TCF7: variants seen among roughly 807,000 people sequenced by gnomAD.
TCF7 encodes T-cell-factor-7.
In TCF7, 19 loss-of-function variants were observed where a neutral mutation model predicts 46.8. The observed-to-expected ratio is 0.41, with a 90% CI of 0.28 to 0.60. The LOEUF is 0.60. TCF7 is among the 20% of genes least tolerant of loss of function. The probability of loss-of-function intolerance (pLI) is 0.35; values close to 1 mark genes in which losing one functional copy is unlikely to be tolerated. For synonymous variants in TCF7, 245 were observed against 213.4 expected (o/e 1.15, Z -1.29); for missense variants, 547 against 504.6 (o/e 1.08, Z -0.81).
chr5:134,139,081 A>G, intron 5 of TCF7, 43 bp downstream of exon 5: 1 of 1,604,936 alleles, frequency 6.2e-7, no homozygotes, highest in Non-Finnish European at 8.5e-7. Context: ...TGTGCTGGTC[A>G]GACCAAGACC....
At chr5:134,144,840 C>A (rs776768554) in intron 9 of TCF7, 1 of 1,614,208 alleles carries the variant, frequency 6.2e-7, no homozygotes, top group Non-Finnish European at 8.5e-7. Context: ...TTGGCCTCAA[C>A]CAGCAGACGG....
At chr5:134,145,122 G>C in intron 9 of TCF7, 1 of 644,942 alleles carries the variant, frequency 1.6e-6, no homozygotes, top group Admixed American at 2.0e-5. Flanking sequence ...ACAGACTCAA[G>C]AAGGCAGCTC....
chr5:134,114,818 C>T lies in TCF7; in HGVS notation c.-89C>T. 1 of 977,568 alleles carries T rather than the reference C, an allele frequency of 1.0e-6. No individual in the cohort carries two copies. The highest frequency in any genetic ancestry group is 1.2e-6 in the Non-Finnish European group (1 of 825,036). 60.6% of individuals were successfully genotyped at this position (977,568 alleles called of 1,614,324 possible). ...CCGCCGCGATCCGAGCTCGGAGGTT[C>T]GGACTCCGGGCTCGCCGCCCCCCGG... is the stretch of plus-strand genomic sequence containing the variant. On this transcript the variant is annotated 5_prime_UTR_variant, in exon 1 of 10. Transcript: ENST00000342854.
chr5:134,115,704 G>C, intron 2 of TCF7: 1 of 1,431,436 alleles, frequency 7.0e-7, no homozygotes, highest in South Asian at 1.5e-5. Flanking sequence ...GGGGGTGGGA[G>C]GTCAAGTAGG....
In TCF7 at chr5:134,114,794, C is replaced by T. The variant is rs1210475918; in HGVS notation, c.-113C>T. On this transcript the variant is annotated 5_prime_UTR_variant, in exon 1 of 10. Transcript: ENST00000342854. ...AGGCGGAGTCAGCCCGCGCTCCGCC[C>T]GCCGCGATCCGAGCTCGGAGGTTCG... The T allele has an allele frequency of 1.5e-5, 14 of 952,576 alleles. No individual in the cohort carries two copies. The African/African-American group carries it at 1.8e-4, about 12-fold the overall frequency. The allele number at this position is 952,576 out of a possible 1,614,324, so 59.0% of individuals were successfully genotyped here.
chr5:134,115,281 G>T (rs746084290), intron 1 of TCF7, 40 bp from the exon 2 acceptor site: 19 of 1,500,618 alleles, frequency 1.3e-5, no homozygotes, highest in Admixed American at 6.1e-5. Flanking sequence ...CGACCCCCGC[G>T]GTCCCACCGC....
At chr5:134,115,881 G>A (rs890223716) in intron 2 of TCF7, 28 bp from the exon 3 acceptor site, 3 of 1,613,538 alleles carry the variant, frequency 1.9e-6, no homozygotes, top group Admixed American at 1.7e-5. Context: ...CAGGGCTGGT[G>A]TGTCTGACCC....
chr5:134,142,156 C>T (rs1759895426), intron 5 of TCF7, 29 bp from the exon 6 acceptor site: 1 of 1,613,718 alleles, frequency 6.2e-7, no homozygotes, highest in Non-Finnish European at 8.5e-7. Context: ...TAATTCTTGG[C>T]TCAGTGTTAA....
chr5:134,143,159 C>A, intron 8 of TCF7, 59 bp downstream of exon 8: 2 of 1,504,762 alleles, frequency 1.3e-6, no homozygotes, highest in Non-Finnish European at 9.0e-7. Flanking sequence ...ATACCATGCC[C>A]CAGGCCACAA....
intron 3 of TCF7, among the ~76,000 whole-genome samples, chr5:134,137,425 C>CAAAAAA (rs752883165): frequency 1.8e-5 from 1 of 56,564 alleles, no homozygotes; most frequent in African/African-American, 5.6e-5. Context: ...GACTCTGTCT[C>CAAAAAA]AAAAAAAAAA....
chr5:134,125,941 C>G (rs756968857), intron 3 of TCF7, among the ~76,000 whole-genome samples: 26 of 152,264 alleles, frequency 1.7e-4, no homozygotes, highest in Admixed American at 1.7e-3. Flanking sequence ...CTGCAAACCA[C>G]TCTTTTCCCT....
chr5:134,144,951 C>T (rs1241851174), intron 9 of TCF7: 3 of 1,285,116 alleles, frequency 2.3e-6, no homozygotes, highest in Non-Finnish European at 3.4e-6. Flanking sequence ...GCCTGCAGCC[C>T]ACTCCTTTGG....
rs965810224 is a variant in TCF7 at position 134,141,203 on chromosome 5, G to A, written c.636-982G>A. 1.9e-5 allele frequency: 3 copies of A among 161,178 alleles called. No individual in the cohort carries two copies. In the Admixed American group the frequency reaches 1.9e-4, roughly 10 times the overall value. 10.0% of individuals were successfully genotyped at this position (161,178 alleles called of 1,614,324 possible). A position where few individuals can be genotyped will look rare whatever the true frequency, so the allele number is the denominator to read the frequency against. ...CATCCCTACTTAGAAGGACTCTCCT[G>A]GGCATCCCCTGAGCTTTGCCCAAGC... On this transcript the variant is annotated intron_variant, in intron 5 of 9. Coordinates refer to ENST00000342854, the MANE Select transcript of TCF7 (RefSeq NM_003202.5).
At position 134,136,661 on chromosome 5, in the gene TCF7, A is replaced by AG. The variant is rs561509634; in HGVS notation, c.442-1395dup. Reference sequence around the variant, plus strand: ...CTGGGCTTCCAATAACCAAGTGCCGAGGGACTGTGCCAGGCCTCCTCACCA... The same window carrying AG: ...CTGGGCTTCCAATAACCAAGTGCCGAGGGGACTGTGCCAGGCCTCCTCACCA... On this transcript the variant is annotated intron_variant, in intron 3 of 9. Transcript: ENST00000342854. Among the ~76,000 whole-genome samples, 3 of 152,250 alleles carry AG rather than the reference A, an allele frequency of 2.0e-5. No homozygotes were observed. In the South Asian group the frequency reaches 6.2e-4, roughly 32 times the overall value.
rs774724579 is a variant in TCF7, at chr5:134,138,042, T to C, written c.442-17T>C. 6.4e-7 allele frequency: 1 copy of C among 1,571,768 alleles called. No homozygotes were observed. Among genetic ancestry groups the C allele is most frequent in the East Asian group, 2.3e-5 (1 of 43,730 alleles). On this transcript the variant is annotated splice_polypyrimidine_tract_variant and intron_variant, in intron 3 of 9. Transcript: ENST00000342854. ...CAGGACTCGCCACACTCACCCACCC[T>C]CCTTCTCATTTTTCAGCACAAGGCC...
At chr5:134,115,300 C>A in intron 1 of TCF7, 21 bp from the exon 2 acceptor site, 1 of 1,555,808 alleles carries the variant, frequency 6.4e-7, no homozygotes, top group Non-Finnish European at 8.7e-7. Flanking sequence ...GCCCCTCACT[C>A]CCCTCCGGTT....
chr5:134,110,518 CAG>C (rs1755314863), upstream of TCF7, among the ~76,000 whole-genome samples: 1 of 152,230 alleles, frequency 6.6e-6, no homozygotes, highest in Non-Finnish European at 1.5e-5. Flanking sequence ...TGAAACTACA[CAG>C]AGTTTCCAGA....
At position 134,142,906 on chromosome 5, in the gene TCF7, T is replaced by C. The variant is rs76886521; in HGVS notation, c.918+23T>C. The stretch of plus-strand genomic sequence containing the variant: ...AGGGTGAGACCATGGGCAGGTGGGC[T>C]GGCAGGGATGCTCCCCGACCATCTT... On this transcript the variant is annotated intron_variant, in intron 7 of 9. Transcript: ENST00000342854. The C allele has an allele frequency of 1.1e-4, 182 of 1,611,296 alleles. No individual in the cohort carries two copies. The East Asian group carries it at 3.9e-3, about 34-fold the overall frequency.
Position 134,139,186 on chromosome 5 carries a change from T to C in TCF7, c.635+148T>C, listed in dbSNP as rs894615462. ...CAGGGGCTGGCCAGCAACTCTGTCC[T>C]AACCTGGCTCTGAGCTAGGGGTCCT... is the stretch of plus-strand genomic sequence containing the variant. On this transcript the variant is annotated intron_variant, in intron 5 of 9. Transcript: ENST00000342854. 3 of 1,285,024 alleles carry C rather than the reference T, an allele frequency of 2.3e-6. No homozygotes were observed. In the African/African-American group the frequency reaches 4.5e-5, roughly 19 times the overall value. The allele number at this position is 1,285,024 out of a possible 1,614,324, so 79.6% of individuals were successfully genotyped here. A position where few individuals can be genotyped will look rare whatever the true frequency, so the allele number is the denominator to read the frequency against.
Sources: allele counts gnomAD v4.1 joint callset (sites outside exome capture counted in the v4.1 genomes callset), GRCh38; gene constraint gnomAD v4.1.1; transcripts MANE v1.5; gene names NCBI Gene and HGNC (gene_info 2026-07-23, HGNC 2026-07-21).